The following OVCH1 variants were observed in gnomAD, a reference collection of about 807,000 sequenced individuals.
The protein encoded by OVCH1 is ovochymase-1.
A neutral mutation model predicts 138.4 loss-of-function variants in OVCH1; 139 were observed. The observed-to-expected ratio is 1.00, with a 90% CI of 0.87 to 1.16. OVCH1 has a LOEUF of 1.16. Among genes scored for constraint, OVCH1 ranks in the 50% most tolerant of loss-of-function variants. OVCH1 has a pLI of 0.00. For synonymous variants in OVCH1, 453 were observed against 467.8 expected, an observed-to-expected ratio of 0.97 and a Z score of 0.41; for missense variants, 1,367 against 1,357.9, an observed-to-expected ratio of 1.01 and a Z score of -0.11.
the OVCH1 span, among the ~76,000 whole-genome samples, chr12:29,402,680 G>A: frequency 6.6e-6 from 1 of 150,602 alleles, no homozygotes; most frequent in African/African-American, 2.4e-5. Context: ...GTTGTTAATT[G>A]AAAAAAAAGT....
intron 4 of OVCH1, among the ~76,000 whole-genome samples, chr12:29,493,633 T>C (rs1462983450): frequency 1.3e-5 from 2 of 152,230 alleles, no homozygotes; most frequent in Non-Finnish European, 2.9e-5. Flanking sequence ...ATAAATATTC[T>C]ATTGAGTTTC....
intron 25 of OVCH1, among the ~76,000 whole-genome samples, chr12:29,442,678 A>C (rs1328240930): frequency 6.6e-6 from 1 of 151,950 alleles, no homozygotes; most frequent in Admixed American, 6.6e-5. Context: ...AAACTTCTAC[A>C]CAATTGTAAT....
At chr12:29,475,141 T>G in exon 14 of OVCH1, 1 of 1,551,334 alleles carries the variant, frequency 6.4e-7, no homozygotes, top group South Asian at 1.2e-5. Flanking sequence ...CACCGTCATG[T>G]TACTAGAACT....
intron 20 of OVCH1, among the ~76,000 whole-genome samples, 151 bp from the exon 21 acceptor site, chr12:29,455,084 G>A (rs549565105): frequency 4.5e-4 from 68 of 152,228 alleles, no homozygotes; most frequent in African/African-American, 1.5e-3. Flanking sequence ...CTCTACACAT[G>A]GGAGAACTTA....
rs376731339 is a variant in OVCH1 at position 29,475,058 on chromosome 12, C to T, written c.1600+3G>A. 2.5e-6 allele frequency: 4 copies of T among 1,581,418 alleles called. No individual in the cohort carries two copies. The highest frequency in any genetic ancestry group is 3.4e-6 in the Non-Finnish European group (4 of 1,162,238). Reference sequence around the variant, plus strand: ...TCCTTATTACACAAATGTTTATACTCACCTGAGGGCAAAATGGTAAATCTG... The same window carrying T: ...TCCTTATTACACAAATGTTTATACTTACCTGAGGGCAAAATGGTAAATCTG... On this transcript the variant is annotated splice_donor_region_variant and intron_variant, in intron 14 of 27. Coordinates refer to ENST00000318184, the Ensembl canonical transcript of OVCH1.
the OVCH1 span, among the ~76,000 whole-genome samples, chr12:29,404,538 A>G: frequency 3.3e-5 from 5 of 152,190 alleles, no homozygotes; most frequent in Non-Finnish European, 7.3e-5. Context: ...TATACCTTCA[A>G]GGAGAGACTG....
chr12:29,496,754 T>C (rs1365740871), intron 1 of OVCH1, 80 bp from the exon 2 acceptor site: 2 of 1,093,842 alleles, frequency 1.8e-6, no homozygotes, highest in Middle Eastern at 2.1e-4. Flanking sequence ...CATTTGGATT[T>C]TCCTGGCCTG....
At chr12:29,403,060 A>G in the OVCH1 span, among the ~76,000 whole-genome samples, 20 of 152,318 alleles carry the variant, frequency 1.3e-4, no homozygotes, top group African/African-American at 4.6e-4. Context: ...ATTTTGTTCG[A>G]GAGTTAAGGA....
intron 27 of OVCH1, chr12:29,433,685 G>A: frequency 1.5e-6 from 2 of 1,373,108 alleles, no homozygotes; most frequent in Admixed American, 2.9e-5. Flanking sequence ...TTGGTGGTCT[G>A]AATAATTCTC....
chr12:29,460,991 G>A (rs1351598843), intron 19 of OVCH1, among the ~76,000 whole-genome samples: 1 of 152,178 alleles, frequency 6.6e-6, no homozygotes, highest in Non-Finnish European at 1.5e-5. Context: ...TTTTCACATG[G>A]AAGGACGTCC....
chr12:29,412,070 A>G (rs539769326), downstream of OVCH1, among the ~76,000 whole-genome samples: 3 of 152,160 alleles, frequency 2.0e-5, no homozygotes, highest in Admixed American at 1.3e-4. Flanking sequence ...CTGCTGTGCT[A>G]GCAATCAGCG....
chr12:29,427,756 A>G (rs1015027435), intron 27 of OVCH1: 2 of 1,436,204 alleles, frequency 1.4e-6, no homozygotes, highest in African/African-American at 2.8e-5. Flanking sequence ...GAGAGTAGCA[A>G]CAGGGGTCTA....
intron 18 of OVCH1, 105 bp downstream of exon 18, chr12:29,464,402 T>C: frequency 2.4e-6 from 3 of 1,224,504 alleles, no homozygotes; most frequent in Non-Finnish European, 3.5e-6. Flanking sequence ...TTCTATCTTT[T>C]AGAAAGAAGA....
chr12:29,434,854 G>A (rs907276345), intron 26 of OVCH1, among the ~76,000 whole-genome samples: 32 of 152,314 alleles, frequency 2.1e-4, no homozygotes, highest in Middle Eastern at 3.4e-3. Flanking sequence ...AGAATAGAGA[G>A]CTGGATGTTC....
At chr12:29,487,996 G>T in intron 6 of OVCH1, 114 bp from the exon 7 acceptor site, 1 of 967,380 alleles carries the variant, frequency 1.0e-6, no homozygotes, top group Non-Finnish European at 1.5e-6. Flanking sequence ...AGGCAAAGAA[G>T]TCCACTAGTC....
intron 27 of OVCH1, among the ~76,000 whole-genome samples, chr12:29,429,467 G>A (rs1036734396): frequency 6.6e-6 from 1 of 152,168 alleles, no homozygotes; most frequent in Non-Finnish European, 1.5e-5. Context: ...GCCAATGTAG[G>A]TCATGTTTTA....
chr12:29,490,006 A>T (rs1367357401), intron 5 of OVCH1, among the ~76,000 whole-genome samples: 1 of 152,146 alleles, frequency 6.6e-6, no homozygotes, highest in African/African-American at 2.4e-5. Context: ...GGCTGCTCTA[A>T]ACAAATGCTT....
chr12:29,435,000 T>TAA (rs1941332248), intron 26 of OVCH1, among the ~76,000 whole-genome samples: 1 of 152,240 alleles, frequency 6.6e-6, no homozygotes, highest in Non-Finnish European at 1.5e-5. Flanking sequence ...TGACATGGTC[T>TAA]AAGACTGGGT....
chr12:29,448,878 CAT>C (rs1229125188), intron 22 of OVCH1, among the ~76,000 whole-genome samples: 5 of 152,234 alleles, frequency 3.3e-5, no homozygotes, highest in African/African-American at 9.6e-5. Flanking sequence ...ATACCACACA[CAT>C]GGACAATGAC....
Sources: allele counts gnomAD v4.1 joint callset (sites outside exome capture counted in the v4.1 genomes callset), GRCh38; gene constraint gnomAD v4.1.1; transcripts MANE v1.5; gene names NCBI Gene and HGNC (gene_info 2026-07-23, HGNC 2026-07-21).